Variants in SACS observed in about 807,000 individuals in gnomAD.
SACS encodes the protein sacsin molecular chaperone.
In SACS, 197 loss-of-function variants were observed where a neutral mutation model predicts 348.0. The observed-to-expected ratio is 0.57, with a 90% confidence interval of 0.50 to 0.64. SACS has a LOEUF of 0.64. SACS is among the 30% of genes least tolerant of loss of function. The pLI is 0.00. For missense variants in SACS, 4,999 were observed against 5,360.8 expected (o/e 0.93, Z 2.11); for synonymous variants, 1,985 against 1,910.6 (o/e 1.04, Z -1.02).
chr13:23,388,093 G>A (rs141983139), intron 2 of SACS, among the ~76,000 whole-genome samples: 266 of 152,216 alleles, frequency 1.7e-3, no homozygotes, highest in Non-Finnish European at 3.1e-3. Flanking sequence ...ATCCTGCTAC[G>A]GGGTATCCAC....
rs863224916 is a variant in SACS at position 23,332,252 on chromosome 13, C to A, written c.11624G>T (p.Arg3875Leu). Reference protein sequence around the residue: ...EGKQLDPNEMRTVKRVVSGLF... With the variant: ...EGKQLDPNEMLTVKRVVSGLF... ...ACCAGAAACTACTCTCTTAACTGTA[C>A]GCATTTCATTAGGATCTAATTGTTT... The change falls in exon 10 of 10, where the codon CGT becomes CTT. Residue 3875 changes from arginine (R) to leucine (L), a missense_variant. By Grantham distance (102) the Arg-to-Leu change is moderately radical. Around this residue, in one of 6 missense-constraint regions of SACS, gnomAD observed 831 missense variants for 941.8 expected, o/e 0.88. Coordinates refer to ENST00000382292, the MANE Select transcript of SACS (RefSeq NM_014363.6). 1 of 1,613,894 alleles carries A rather than the reference C, an allele frequency of 6.2e-7. No individual in the cohort carries two copies. Among genetic ancestry groups the A allele is most frequent in the South Asian group, 1.1e-5 (1 of 91,072 alleles).
At chr13:23,358,099 A>C (rs1199186477) in intron 7 of SACS, among the ~76,000 whole-genome samples, 1 of 152,234 alleles carries the variant, frequency 6.6e-6, no homozygotes. Context: ...CCACTGGATC[A>C]TGATGATGTT....
intron 1 of SACS, among the ~76,000 whole-genome samples, chr13:23,431,115 T>C (rs752037589): frequency 2.0e-5 from 3 of 152,230 alleles, no homozygotes; most frequent in Non-Finnish European, 4.4e-5. Context: ...ATAAGGCTAT[T>C]GTAAGAATCA....
rs1883323341 is a variant in SACS, at chr13:23,329,352, A to G, written c.*784T>C. ...CATTTGTGGAAAATATGTACACACA[A>G]ACATAAAGCAAGTGTTCTAACAGTT... On this transcript the variant is annotated 3_prime_UTR_variant, in exon 10 of 10. Coordinates refer to ENST00000382292, the MANE Select transcript of SACS (RefSeq NM_014363.6). 4 of 691,738 alleles carry G rather than the reference A, an allele frequency of 5.8e-6. No individual in the cohort carries two copies. The South Asian group carries it at 6.7e-5, about 12-fold the overall frequency. 42.9% of individuals were successfully genotyped at this position (691,738 alleles called of 1,614,324 possible).
At chr13:23,357,563 C>T (rs1870474418) in intron 7 of SACS, among the ~76,000 whole-genome samples, 1 of 152,194 alleles carries the variant, frequency 6.6e-6, no homozygotes, top group Admixed American at 6.5e-5. Flanking sequence ...AGTATACAGT[C>T]ATCTTGGCTA....
At chr13:23,379,796 G>T (rs1012493620) in intron 2 of SACS, among the ~76,000 whole-genome samples, 7 of 152,122 alleles carry the variant, frequency 4.6e-5, no homozygotes, top group African/African-American at 1.7e-4. Context: ...CTAAAGTCAA[G>T]GAAACCTATC....
chr13:23,343,967 G>C (rs575102213), intron 9 of SACS, among the ~76,000 whole-genome samples: 2 of 152,240 alleles, frequency 1.3e-5, no homozygotes, highest in African/African-American at 4.8e-5. Flanking sequence ...ATATTTTTCA[G>C]TTTCTACATT....
At position 23,331,731 on chromosome 13, in the gene SACS, A is replaced by C; in HGVS notation, c.12145T>G (p.Cys4049Gly). The part of the protein sequence containing the change: ...KALREGLKVS[C>G]FEKLQTTLRV... ...AATGTTGTTTGAAGCTTTTCAAAGC[A>C]GGATACTTTCAATCCTTCTCTTAGG... The change falls in exon 10 of 10, where the codon TGC (cysteine) becomes GGC (glycine). Residue 4049 changes from cysteine (C) to glycine (G), a missense_variant. Cys to Gly is a radical substitution (Grantham distance 159, BLOSUM62 -3). Around this residue, in one of 6 missense-constraint regions of SACS, gnomAD observed 831 missense variants for 941.8 expected, o/e 0.88. Transcript: ENST00000382292. The C allele has an allele frequency of 6.2e-7, 1 of 1,614,040 alleles. No individual in the cohort carries two copies. The highest frequency in any genetic ancestry group is 8.5e-7 in the Non-Finnish European group (1 of 1,179,958).
At chr13:23,346,708 G>T in intron 9 of SACS, 1 of 369,170 alleles carries the variant, frequency 2.7e-6, no homozygotes, top group South Asian at 1.1e-4. Context: ...AAAAATTGTT[G>T]ACATAATTTC....
rs867991333 is a variant in SACS at position 23,337,830 on chromosome 13, G to C, written c.6046C>G (p.Leu2016Val). 3 of 1,613,710 alleles carry C rather than the reference G, an allele frequency of 1.9e-6. No individual in the cohort carries two copies. In the East Asian group the frequency reaches 6.7e-5, roughly 36 times the overall value. ...SAAFKIFLKYLKKTGSKNLCA... is the reference protein window; with the variant it reads ...SAAFKIFLKYVKKTGSKNLCA... ...AGGTTTTTGGACCCAGTCTTCTTGA[G>C]GTATTTCAAAAATATCTTGAAGGCT... is the stretch of plus-strand genomic sequence containing the variant. The change falls in exon 10 of 10, where the codon CTC becomes GTC. Residue 2016 changes from leucine (L) to valine (V), a missense_variant. Around this residue, in one of 6 missense-constraint regions of SACS, gnomAD observed 3,156 missense variants for 3,380.1 expected, o/e 0.93. Coordinates refer to ENST00000382292, the MANE Select transcript of SACS (RefSeq NM_014363.6).
intron 9 of SACS, among the ~76,000 whole-genome samples, chr13:23,351,093 GCTATGTCTTCA>G (rs1424782830): frequency 2.6e-5 from 4 of 152,262 alleles, no homozygotes; most frequent in Admixed American, 6.5e-5. Flanking sequence ...CAATCCCTCT[GCTATGTCTTCA>G]CTATGTCTTC....
chr13:23,433,005 C>G (rs1309705246), intron 1 of SACS, among the ~76,000 whole-genome samples: 2 of 152,138 alleles, frequency 1.3e-5, no homozygotes, highest in Admixed American at 1.3e-4. Context: ...TTCAAAGAAT[C>G]TAATGATCGC....
At chr13:23,395,551 G>A (rs1593171282) in intron 2 of SACS, among the ~76,000 whole-genome samples, 1 of 151,778 alleles carries the variant, frequency 6.6e-6, no homozygotes, top group African/African-American at 2.4e-5. Flanking sequence ...GTCCACTTCT[G>A]CCAGAACTTT....
At position 23,384,553 on chromosome 13, in the gene SACS, G is replaced by C. The variant is rs569934930; in HGVS notation, c.21-9284C>G. Among the ~76,000 whole-genome samples the C allele has an allele frequency of 3.3e-5, 5 of 152,278 alleles. No homozygotes were observed. The South Asian group carries it at 1.0e-3, about 32-fold the overall frequency. Reference sequence around the variant, plus strand: ...TTATTGGACAGATATTAATAAACTAGTTATTAGAGAAAGTTGTGAGTTGAT... The same window carrying C: ...TTATTGGACAGATATTAATAAACTACTTATTAGAGAAAGTTGTGAGTTGAT... On this transcript the variant is annotated intron_variant, in intron 2 of 9. Coordinates refer to ENST00000382292, the MANE Select transcript of SACS (RefSeq NM_014363.6).
rs1462949571 is a variant in SACS, at chr13:23,340,928, A to C, written c.2948T>G (p.Ile983Arg). ...ATIRLANMLK[I>R]EQLKTTSCLK... is the part of the protein sequence containing the mutation. ...GCAGCTAGTGGTCTTTAACTGTTCT[A>C]TTTTCAACATGTTTGCCAGACGAAT... Residue 983 changes from isoleucine (I) to arginine (R), a missense_variant, in exon 10 of 10, where the codon ATA becomes AGA. Physicochemically the swap from Ile to Arg is moderately conservative, Grantham distance 97. This residue lies in a region of SACS where 3,156 missense variants were observed against 3,380.1 expected (regional missense o/e 0.93). Transcript: ENST00000382292. 4 of 1,613,976 alleles carry C rather than the reference A, an allele frequency of 2.5e-6. No individual in the cohort carries two copies. In the Admixed American group the frequency reaches 5.0e-5, roughly 20 times the overall value.
chr13:23,330,356 T>C lies in SACS; in HGVS notation c.13520A>G (p.Gln4507Arg), dbSNP rs1439472360. 1.2e-6 allele frequency: 2 copies of C among 1,614,086 alleles called. No homozygotes were observed. The highest frequency in any genetic ancestry group is 3.3e-5 in the Admixed American group (2 of 60,014). ...DKDVKPTALA[Q>R]KIEEYSQQLE... is the part of the protein sequence containing the mutation. ...TTGCTGACTATATTCCTCTATTTTC[T>C]GAGCAAGTGCAGTTGGTTTTACATC... Residue 4507 changes from glutamine (Q) to arginine (R), a missense_variant, in exon 10 of 10, where the codon CAG becomes CGG. Gln to Arg is a conservative substitution (Grantham distance 43). Transcript: ENST00000382292.
At chr13:23,342,240 A>G (rs1869304322) in intron 9 of SACS, among the ~76,000 whole-genome samples, 1 of 152,228 alleles carries the variant, frequency 6.6e-6, no homozygotes, top group Admixed American at 6.5e-5. Flanking sequence ...GAAAATGCTT[A>G]TTTGAAATAA....
At chr13:23,391,909 G>A (rs189970351) in intron 2 of SACS, among the ~76,000 whole-genome samples, 2 of 152,292 alleles carry the variant, frequency 1.3e-5, no homozygotes, top group Admixed American at 1.3e-4. Context: ...TGTGCACATG[G>A]AACATGGATC....
At position 23,426,300 on chromosome 13, in the gene SACS, G is replaced by T. The variant is rs548537509; in HGVS notation, c.-502+7315C>A. On this transcript the variant is annotated intron_variant, in intron 1 of 9. Transcript: ENST00000382292. ...ATTTGCCCAAGGTGGTCAGGGCACA[G>T]CTTGGTTTTATACATTCAGGGAGAC... 3.3e-5 allele frequency among the ~76,000 whole-genome samples: 5 copies of T among 152,306 alleles called. No homozygotes were observed. The East Asian group carries it at 9.6e-4, about 29-fold the overall frequency.
Sources: allele counts gnomAD v4.1 joint callset (sites outside exome capture counted in the v4.1 genomes callset), GRCh38; gene constraint gnomAD v4.1.1; regional missense constraint gnomAD v4.1.1; transcripts MANE v1.5; gene names NCBI Gene and HGNC (gene_info 2026-07-23, HGNC 2026-07-21).